PMPCA: variants seen among roughly 807,000 people sequenced by gnomAD.
PMPCA encodes mitochondrial-processing peptidase subunit alpha.
PMPCA carries 47 observed loss-of-function variants against 59.3 expected under a neutral mutation model. The observed-to-expected ratio is 0.79, with a 90% CI of 0.63 to 1.01. The LOEUF (loss-of-function observed/expected upper bound fraction) is 1.01, where lower values mean the gene tolerates loss of function less well. Among genes scored for constraint, PMPCA ranks in the 50% least tolerant of loss-of-function variants. The pLI is 0.00. For synonymous variants in PMPCA, 338 were observed against 290.3 expected (o/e 1.16, Z -1.67); for missense variants, 726 against 704.5 (o/e 1.03, Z -0.34).
chr9:136,414,166 C>CTCA (rs1431280637), intron 4 of PMPCA, among the ~76,000 whole-genome samples: 1 of 152,230 alleles, frequency 6.6e-6, no homozygotes, highest in Non-Finnish European at 1.5e-5. Flanking sequence ...AACACTTCAC[C>CTCA]TTTTGAGAGA....
Position 136,412,846 on chromosome 9 carries a change from CT to C in PMPCA, c.393del (p.Thr132ArgfsTer45). ...ARFDSKDEIL[L>X]TLEKHGGICD... ...ATTTGACAGCAAAGATGAAATTCTG[CT>C]TACGTTGGAAAAGCATGGGGGTATC... On this transcript the variant is annotated frameshift_variant, in exon 4 of 13. Coordinates refer to ENST00000371717, the MANE Select transcript of PMPCA (RefSeq NM_015160.3). LOFTEE classifies it high-confidence loss of function. 6.2e-7 allele frequency: 1 copy of C among 1,609,886 alleles called. No individual in the cohort carries two copies. Among genetic ancestry groups the C allele is most frequent in the Middle Eastern group, 1.7e-4 (1 of 6,054 alleles).
intron 5 of PMPCA, among the ~76,000 whole-genome samples, chr9:136,415,608 G>A (rs1267542477): frequency 6.6e-6 from 1 of 152,224 alleles, no homozygotes; most frequent in Non-Finnish European, 1.5e-5. Context: ...CACAACTGAT[G>A]AAAGGCGCCC....
chr9:136,412,786 G>C, intron 3 of PMPCA, 24 bp from the exon 4 acceptor site: 1 of 1,438,534 alleles, frequency 7.0e-7, no homozygotes, highest in Non-Finnish European at 9.8e-7. Context: ...TGCTTATTTA[G>C]GTTTCCTTAT....
rs1448426685 is a variant in PMPCA, at chr9:136,423,363, T to C, written c.*99T>C. 1 of 1,270,390 alleles carries C rather than the reference T, an allele frequency of 7.9e-7. No individual in the cohort carries two copies. Among genetic ancestry groups the C allele is most frequent in the Non-Finnish European group, 1.1e-6 (1 of 929,600 alleles). 78.7% of individuals were successfully genotyped at this position (1,270,390 alleles called of 1,614,324 possible). A position where few individuals can be genotyped will look rare whatever the true frequency, so the allele number is the denominator to read the frequency against. On this transcript the variant is annotated 3_prime_UTR_variant, in exon 13 of 13. Coordinates refer to ENST00000371717, the MANE Select transcript of PMPCA (RefSeq NM_015160.3). ...AATTTAGTCTAAAAAGCTGTCTGGT[T>C]GTATAAACGGTGCAAACAATGTCGC...
chr9:136,421,712 G>A (rs555085630), intron 11 of PMPCA, 120 bp from the exon 12 acceptor site: 1 of 957,102 alleles, frequency 1.0e-6, no homozygotes, highest in African/African-American at 1.6e-5. Context: ...GCGCCCGGCT[G>A]CCCTTCCCTT....
Position 136,410,704 on chromosome 9 carries a change from G to A in PMPCA, c.36G>A (p.Leu12=). Reference sequence around the variant, plus strand: ...TGGTGCTGGCGGCGACGCGGTTGCTGCGGGGCTCGGGTTCTTGGGGCTGTT... The same window carrying A: ...TGGTGCTGGCGGCGACGCGGTTGCTACGGGGCTCGGGTTCTTGGGGCTGTT... ...AAVVLAATRL[L]RGSGSWGCSR... Residue 12 remains leucine (L), a synonymous_variant, in exon 1 of 13, where the codon CTG becomes CTA. Coordinates refer to ENST00000371717, the MANE Select transcript of PMPCA (RefSeq NM_015160.3). The A allele has an allele frequency of 7.0e-7, 1 of 1,419,890 alleles. No individual in the cohort carries two copies. Among genetic ancestry groups the A allele is most frequent in the Non-Finnish European group, 9.2e-7 (1 of 1,089,320 alleles). 88.0% of individuals were successfully genotyped at this position (1,419,890 alleles called of 1,614,324 possible).
intron 12 of PMPCA, chr9:136,422,202 A>AG: frequency 1.3e-6 from 2 of 1,494,996 alleles, no homozygotes; most frequent in Non-Finnish European, 1.8e-6. Context: ...CCTCCTTGGC[A>AG]GGTGACCCCA....
intron 11 of PMPCA, among the ~76,000 whole-genome samples, chr9:136,421,404 G>GTTTTTTTTTTTTTTTTTT (rs57128281): frequency 1.7e-5 from 2 of 118,008 alleles, no homozygotes; most frequent in Non-Finnish European, 1.7e-5. Flanking sequence ...CTGGGTTCCC[G>GTTTTTTTTTTTTTTTTTT]TTTTTTTTTT....
intron 12 of PMPCA, chr9:136,422,212 A>G: frequency 6.8e-7 from 1 of 1,474,826 alleles, no homozygotes; most frequent in Non-Finnish European, 9.1e-7. Flanking sequence ...AGGTGACCCC[A>G]CCCTCTGCAC....
intron 4 of PMPCA, among the ~76,000 whole-genome samples, chr9:136,414,195 C>A (rs1835209790): frequency 1.3e-5 from 2 of 152,330 alleles, no homozygotes; most frequent in East Asian, 3.9e-4. Context: ...TTACAAAAAT[C>A]TGTATCAGAA....
At chr9:136,417,287 G>A (rs1366281631) in intron 7 of PMPCA, 73 bp downstream of exon 7, 12 of 1,315,250 alleles carry the variant, frequency 9.1e-6, no homozygotes, top group South Asian at 1.4e-5. Context: ...ACCTGTTTTT[G>A]TATTGATTCT....
intron 5 of PMPCA, among the ~76,000 whole-genome samples, chr9:136,415,520 G>A (rs1447957834): frequency 1.3e-5 from 2 of 152,212 alleles, no homozygotes; most frequent in Admixed American, 1.3e-4. Flanking sequence ...GGCTTTTCCA[G>A]ATACCCTAAG....
intron 4 of PMPCA, 116 bp from the exon 5 acceptor site, chr9:136,414,437 A>T: frequency 1.4e-6 from 1 of 720,594 alleles, no homozygotes; most frequent in East Asian, 2.6e-5. Flanking sequence ...TGTTGAGCAG[A>T]GTGTGAGCTC....
At position 136,416,994 on chromosome 9, in the gene PMPCA, C is replaced by T. The variant is rs759767573; in HGVS notation, c.677C>T (p.Pro226Leu). The change falls in exon 7 of 13, where the codon CCC becomes CTC. Residue 226 changes from proline (P) to leucine (L), a missense_variant. By Grantham distance (98) the Pro-to-Leu change is moderately conservative. Coordinates refer to ENST00000371717, the MANE Select transcript of PMPCA (RefSeq NM_015160.3). ...ENTVGLHRFCPTENVAKINRE... is the reference protein window; with the variant it reads ...ENTVGLHRFCLTENVAKINRE... ...ACAGTTGGCCTCCACCGTTTCTGCC[C>T]CACAGAAAACGTAGCAAAGATCAAC... 1.2e-6 allele frequency: 2 copies of T among 1,612,502 alleles called. No homozygotes were observed. Among genetic ancestry groups the T allele is most frequent in the South Asian group, 2.2e-5 (2 of 91,008 alleles).
intron 2 of PMPCA, 35 bp downstream of exon 2, chr9:136,412,234 A>G (rs775434455): frequency 7.0e-7 from 1 of 1,428,640 alleles, no homozygotes; most frequent in South Asian, 1.1e-5. Context: ...GTGGTCCCGC[A>G]GTTTTAACAT....
At chr9:136,420,021 C>T (rs1440572415) in intron 11 of PMPCA, 1 of 151,084 alleles carries the variant, frequency 6.6e-6, no homozygotes, top group African/African-American at 2.4e-5. Flanking sequence ...GAGTCTTGCT[C>T]AGGCTGGAGT....
chr9:136,416,250 G>T, intron 5 of PMPCA, 41 bp from the exon 6 acceptor site: 2 of 1,421,338 alleles, frequency 1.4e-6, no homozygotes, highest in Non-Finnish European at 2.0e-6. Flanking sequence ...CCTCATCTCT[G>T]CCTGTGCAGA....
At chr9:136,422,571 T>TG in intron 12 of PMPCA, 2 of 1,013,602 alleles carry the variant, frequency 2.0e-6, no homozygotes, top group Non-Finnish European at 2.4e-6. Flanking sequence ...CCCGGGCACT[T>TG]GCCCTGTCCC....
intron 8 of PMPCA, 88 bp from the exon 9 acceptor site, chr9:136,418,467 A>G: frequency 1.1e-6 from 1 of 874,272 alleles, no homozygotes; most frequent in Non-Finnish European, 1.9e-6. Context: ...TGGGCGACTC[A>G]GCCAGCTCTG....
Sources: allele counts gnomAD v4.1 joint callset (sites outside exome capture counted in the v4.1 genomes callset), GRCh38; gene constraint gnomAD v4.1.1; transcripts MANE v1.5; gene names NCBI Gene and HGNC (gene_info 2026-07-23, HGNC 2026-07-21).